USP42: variants seen among roughly 807,000 people sequenced by gnomAD.
USP42 encodes the protein ubiquitin specific peptidase 42.
USP42 carries 23 observed loss-of-function variants against 113.0 expected under a neutral mutation model. That is an observed-to-expected ratio of 0.20 (90% CI 0.15 to 0.29). The LOEUF (loss-of-function observed/expected upper bound fraction) is 0.29. Ranked by LOEUF, USP42 falls within the 10% of genes least tolerant of loss-of-function variation. The pLI, the probability that USP42 is intolerant of heterozygous loss-of-function variation, is 1.00. For missense variants in USP42, 2,174 were observed against 1,779.8 expected (o/e 1.22, Z -3.99); for synonymous variants, 933 against 699.0 (o/e 1.33, Z -5.28).
chr7:6,091,978 T>TTTCTCC, the USP42 span, among the ~76,000 whole-genome samples: 1 of 67,868 alleles, frequency 1.5e-5, no homozygotes, highest in Non-Finnish European at 2.9e-5. Context: ...GGACGTATTT[T>TTTCTCC]TTCTTCTTCT....
rs186630865 is a variant in USP42 at position 6,105,758 on chromosome 7, C to T, written c.-10+726C>T. ...GCAGGAAGAGCCAGCTTACCTGGAA[C>T]GGGGGATCCGTTGCAGATGTTGGAA... On this transcript the variant is annotated intron_variant, in intron 1 of 17. Coordinates refer to ENST00000306177, the MANE Select transcript of USP42 (RefSeq NM_032172.3). Among the ~76,000 whole-genome samples, 161 of 152,282 alleles carry T rather than the reference C, an allele frequency of 1.1e-3. 1 individual carries two copies. The highest frequency in any genetic ancestry group is 1.7e-3 in the Non-Finnish European group (118 of 68,026).
At chr7:6,092,044 CTTCTTCTTCTTTCTTCTTCTTCTTCT>C in the USP42 span, among the ~76,000 whole-genome samples, 4 of 87,254 alleles carry the variant, frequency 4.6e-5, no homozygotes, top group South Asian at 3.8e-4. Context: ...TCTTCTTCTT[CTTCTTCTTCTTTCTTCTTCTTCTTCT>C]TCTTCCTCTT....
At position 6,154,004 on chromosome 7, in the gene USP42, A is replaced by C. The variant is rs1373745236; in HGVS notation, c.2450A>C (p.Asp817Ala). 6.2e-7 allele frequency: 1 copy of C among 1,603,420 alleles called. No homozygotes were observed. Among genetic ancestry groups the C allele is most frequent in the Non-Finnish European group, 8.5e-7 (1 of 1,178,862 alleles). The change falls in exon 15 of 18, where the codon GAC becomes GCC. Residue 817 changes from aspartate (D) to alanine (A), a missense_variant. Transcript: ENST00000306177. ...ATCGTGGGGGACACAGCACCCCCTG[A>C]CCTGTGTGATCCCGGGAGCTTAACA... ...EDIVGDTAPP[D>A]LCDPGSLTGD...
At chr7:6,138,006 T>C (rs1191232178) in intron 4 of USP42, among the ~76,000 whole-genome samples, 1 of 152,236 alleles carries the variant, frequency 6.6e-6, no homozygotes, top group Admixed American at 6.5e-5. Flanking sequence ...TACATATTTA[T>C]ATAGCAGACA....
At chr7:6,087,734 C>T in the USP42 span, among the ~76,000 whole-genome samples, 1 of 151,160 alleles carries the variant, frequency 6.6e-6, no homozygotes, top group Non-Finnish European at 1.5e-5. Context: ...GCTATACCCT[C>T]GTCTTGCCTC....
In USP42 at chr7:6,154,498, C is replaced by T. The variant is rs1193114545; in HGVS notation, c.2944C>T (p.Arg982Cys). Residue 982 changes from arginine (R) to cysteine (C), a missense_variant, in exon 15 of 18, where the codon CGC becomes TGC. Physicochemically the swap from Arg to Cys is radical, Grantham distance 180 (BLOSUM62 -3). Coordinates refer to ENST00000306177, the MANE Select transcript of USP42 (RefSeq NM_032172.3). ...TGAGGGCCACCGTCACCGGCGGCGC[C>T]GCACCTGCCCCCGGGAGCGCGACCG... Reference protein sequence around the residue: ...KTEGHRHRRRRTCPRERDRQD... With the variant: ...KTEGHRHRRRCTCPRERDRQD... 9.1e-6 allele frequency: 14 copies of T among 1,544,132 alleles called. No individual in the cohort carries two copies. The highest frequency in any genetic ancestry group is 2.0e-5 in the Admixed American group (1 of 50,742).
chr7:6,096,490 G>A, the USP42 span, among the ~76,000 whole-genome samples: 1 of 151,244 alleles, frequency 6.6e-6, no homozygotes, highest in Admixed American at 6.6e-5. Context: ...AACTTCTCAC[G>A]GGATGGATAC....
At chr7:6,111,404 C>T (rs774666725) in intron 2 of USP42, 30 bp downstream of exon 2, 92 of 1,601,226 alleles carry the variant, frequency 5.7e-5, no homozygotes, top group Non-Finnish European at 7.2e-5. Context: ...AGAATTACCG[C>T]CAGAAACTCC....
rs150736027 is a variant in USP42, at chr7:6,158,589, G to T, written c.3944-861G>T. On this transcript the variant is annotated intron_variant, in intron 16 of 17. Transcript: ENST00000306177. This position sits in a 1 kb window ranked among gnomAD's most constrained non-coding sequence, Gnocchi z 4.2. ...GGGTTGCGGGGTGAGCCCCATGGGG[G>T]ACATTTGCCCATGGAGTGCTGGGGA... Among the ~76,000 whole-genome samples the T allele has an allele frequency of 2.0e-3, 304 of 152,356 alleles. 2 individuals are homozygous for T. Among genetic ancestry groups the T allele is most frequent in the Non-Finnish European group, 2.8e-3 (189 of 68,034 alleles).
At position 6,135,832 on chromosome 7, in the gene USP42, A is replaced by G. The variant is rs1347853324; in HGVS notation, c.443-9A>G. ...TTGCTAATTTGGAGGATTATCATCT[A>G]TCTTTCAGGTCATGCAGAAGGCTTT... On this transcript the variant is annotated splice_polypyrimidine_tract_variant and intron_variant, in intron 3 of 17. Transcript: ENST00000306177. 3 of 1,576,144 alleles carry G rather than the reference A, an allele frequency of 1.9e-6. No homozygotes were observed. Among genetic ancestry groups the G allele is most frequent in the Non-Finnish European group, 2.6e-6 (3 of 1,160,028 alleles).
intron 3 of USP42, chr7:6,116,621 A>C (rs1005372495): frequency 2.7e-6 from 1 of 373,820 alleles, no homozygotes; most frequent in East Asian, 8.6e-5. Flanking sequence ...GGTTCTTTTA[A>C]AACTGATTTT....
At chr7:6,149,477 GA>G (rs60551222) in intron 12 of USP42, 105 bp from the exon 13 acceptor site, 121,892 of 1,047,520 alleles carry the variant, frequency 0.12, 408 homozygotes, top group African/African-American at 0.17. Flanking sequence ...TGTTAGTCCT[GA>G]AAAAAAAAAA....
intron 3 of USP42, among the ~76,000 whole-genome samples, chr7:6,127,516 C>T (rs980587337): frequency 3.3e-5 from 5 of 151,796 alleles, no homozygotes; most frequent in African/African-American, 9.7e-5. Flanking sequence ...TTTGCTCCAG[C>T]GTCATTTTCT....
chr7:6,124,581 T>C (rs61443193), intron 3 of USP42, among the ~76,000 whole-genome samples: 52,599 of 152,096 alleles, frequency 0.35, 12,071 homozygotes, highest in East Asian at 0.73. Context: ...GGATTTCTTA[T>C]AAATAGCTTA....
chr7:6,147,875 C>T lies in USP42; in HGVS notation c.1369C>T (p.Pro457Ser), dbSNP rs374635482. ...AAPGFIGPQL[P>S]SHMIKNPPHL... is the part of the protein sequence containing the mutation. ...GCCAGGCTTTATCGGACCACAGCTT[C>T]CCTCTCACATGATAAAGGTAACAGT... Residue 457 changes from proline to serine, a missense_variant, in exon 12 of 18, where the codon CCC (proline) becomes TCC (serine). Coordinates refer to ENST00000306177, the MANE Select transcript of USP42 (RefSeq NM_032172.3). 4 of 1,610,744 alleles carry T rather than the reference C, an allele frequency of 2.5e-6. No homozygotes were observed. The highest frequency in any genetic ancestry group is 1.7e-5 in the Admixed American group (1 of 59,504).
chr7:6,123,131 T>C (rs771710825), intron 3 of USP42, among the ~76,000 whole-genome samples: 11 of 152,150 alleles, frequency 7.2e-5, no homozygotes, highest in Non-Finnish European at 1.0e-4. Context: ...TGGCCTGTTA[T>C]GCCCTCTTGA....
chr7:6,145,729 G>C, intron 10 of USP42, 73 bp downstream of exon 10: 2 of 1,499,322 alleles, frequency 1.3e-6, no homozygotes, highest in Non-Finnish European at 1.8e-6. Flanking sequence ...TCTTGGGGTA[G>C]GGAGAGGTGG....
chr7:6,161,538 A>G lies in USP42; in HGVS notation c.*1020A>G, dbSNP rs760295336. ...TAAATATACAGCATGTAAAATTTCT[A>G]TAGTATATAAATGGCAGCAAATCAC... On this transcript the variant is annotated 3_prime_UTR_variant, in exon 18 of 18. Coordinates refer to ENST00000306177, the MANE Select transcript of USP42 (RefSeq NM_032172.3). 5.2e-5 allele frequency: 8 copies of G among 152,642 alleles called. No homozygotes were observed. The highest frequency in any genetic ancestry group is 1.0e-4 in the Non-Finnish European group (7 of 68,038). 9.5% of individuals were successfully genotyped at this position (152,642 alleles called of 1,614,324 possible). A position where few individuals can be genotyped will look rare whatever the true frequency, so the allele number is the denominator to read the frequency against.
chr7:6,148,040 C>A, intron 12 of USP42, 148 bp downstream of exon 12: 6 of 897,858 alleles, frequency 6.7e-6, no homozygotes, highest in Admixed American at 3.0e-5. Context: ...CACAGTATTT[C>A]AAATATACAG....
Sources: allele counts gnomAD v4.1 joint callset (sites outside exome capture counted in the v4.1 genomes callset), GRCh38; gene constraint gnomAD v4.1.1; non-coding constraint Gnocchi (gnomAD v3.1); transcripts MANE v1.5; gene names NCBI Gene and HGNC (gene_info 2026-07-23, HGNC 2026-07-21).